MYO9A: variants seen among roughly 807,000 people sequenced by gnomAD.
MYO9A encodes the protein unconventional myosin-IXa.
MYO9A carries 103 observed loss-of-function variants against 293.3 expected under a neutral mutation model. That is an observed-to-expected ratio of 0.35 (90% CI 0.30 to 0.41). The LOEUF is 0.41. Among genes scored for constraint, MYO9A ranks in the 10% least tolerant of loss-of-function variants. MYO9A has a pLI of 1.00. For synonymous variants in MYO9A, 1,001 were observed against 1,035.7 expected, an observed-to-expected ratio of 0.97 and a Z score of 0.64; for missense variants, 2,685 against 3,033.0, an observed-to-expected ratio of 0.89 and a Z score of 2.69.
intron 32 of MYO9A, among the ~76,000 whole-genome samples, chr15:71,875,228 G>A (rs183236582): frequency 8.6e-5 from 13 of 151,904 alleles, no homozygotes; most frequent in Non-Finnish European, 7.4e-5. Context: ...TCATATATTG[G>A]ATATATATCA....
At chr15:71,982,310 G>A (rs765588436) in intron 11 of MYO9A, among the ~76,000 whole-genome samples, 13 of 151,816 alleles carry the variant, frequency 8.6e-5, no homozygotes, top group Admixed American at 1.3e-4. Context: ...GTGAGCCACC[G>A]TGCCCAGCCT....
intron 14 of MYO9A, among the ~76,000 whole-genome samples, chr15:71,952,201 GATTT>G (rs2059067885): frequency 2.0e-5 from 3 of 152,058 alleles, no homozygotes; most frequent in African/African-American, 4.8e-5. Context: ...CAATTTGTAT[GATTT>G]ATTTTTTAAA....
intron 19 of MYO9A, among the ~76,000 whole-genome samples, chr15:71,911,423 A>G (rs2144488863): frequency 6.6e-6 from 1 of 152,314 alleles, no homozygotes; most frequent in Admixed American, 6.5e-5. Flanking sequence ...CACAGTTAGA[A>G]GACTCCTAGG....
At chr15:71,916,272 TA>T in intron 19 of MYO9A, 97 bp downstream of exon 19, 1 of 1,382,946 alleles carries the variant, frequency 7.2e-7, no homozygotes, top group Non-Finnish European at 9.7e-7. Context: ...TCACATAAAT[TA>T]AAATCCCATT....
chr15:71,889,794 C>T (rs912975372), intron 26 of MYO9A: 4 of 152,106 alleles, frequency 2.6e-5, no homozygotes, highest in Non-Finnish European at 4.4e-5. Context: ...CAAAAAAGTA[C>T]CAATCCCAGG....
chr15:71,974,795 G>A (rs1027536241), intron 12 of MYO9A, among the ~76,000 whole-genome samples: 2 of 152,182 alleles, frequency 1.3e-5, no homozygotes, highest in African/African-American at 2.4e-5. Flanking sequence ...CTATCTAAAG[G>A]GGAGTGGACT....
chr15:72,006,070 A>G (rs2077007482), intron 8 of MYO9A, among the ~76,000 whole-genome samples: 1 of 152,168 alleles, frequency 6.6e-6, no homozygotes, highest in African/African-American at 2.4e-5. Context: ...ACAGAAAGAC[A>G]TGAATGAATC....
chr15:71,957,700 A>C (rs1357455383), intron 14 of MYO9A, among the ~76,000 whole-genome samples: 2 of 152,164 alleles, frequency 1.3e-5, no homozygotes, highest in Admixed American at 1.3e-4. Flanking sequence ...GGGATGAAGA[A>C]GAGAAACAGG....
At chr15:71,956,330 A>AAATAT (rs10642655) in intron 14 of MYO9A, among the ~76,000 whole-genome samples, 21 of 75,574 alleles carry the variant, frequency 2.8e-4, no homozygotes, top group Admixed American at 6.7e-4. Flanking sequence ...AAAAAAAAAA[A>AAATAT]ATATATATAT....
intron 11 of MYO9A, among the ~76,000 whole-genome samples, chr15:71,984,468 T>C (rs1430249222): frequency 6.6e-6 from 1 of 152,184 alleles, no homozygotes; most frequent in East Asian, 1.9e-4. Context: ...GCTTGTTGGG[T>C]TTGTTTTTTT....
intron 1 of MYO9A, among the ~76,000 whole-genome samples, chr15:72,049,395 T>C (rs2078486561): frequency 1.3e-5 from 2 of 152,226 alleles, no homozygotes; most frequent in African/African-American, 4.8e-5. Flanking sequence ...TATGTTTGCT[T>C]TCCTGAATCC....
chr15:71,886,191 G>A (rs577824332), intron 27 of MYO9A, among the ~76,000 whole-genome samples: 999 of 63,342 alleles, frequency 0.016, 7 homozygotes, highest in Admixed American at 0.039. Context: ...ATTTAAAGTA[G>A]GGTAAAAAAA....
At chr15:72,109,714 C>A (rs955978998) in intron 1 of MYO9A, among the ~76,000 whole-genome samples, 3 of 151,838 alleles carry the variant, frequency 2.0e-5, no homozygotes, top group Non-Finnish European at 4.4e-5. Context: ...TATGGTGAAA[C>A]CCTGTCTCTA....
chr15:71,920,660 C>T (rs1435922632), intron 18 of MYO9A, among the ~76,000 whole-genome samples: 1 of 152,036 alleles, frequency 6.6e-6, no homozygotes, highest in Non-Finnish European at 1.5e-5. Flanking sequence ...ATAAAATTAA[C>T]TTCAAGGTTG....
chr15:72,095,949 C>A (rs1306364175), intron 1 of MYO9A, among the ~76,000 whole-genome samples: 2 of 151,720 alleles, frequency 1.3e-5, no homozygotes, highest in Non-Finnish European at 2.9e-5. Context: ...GGTAGATCAC[C>A]TGAGGTCAAG....
At chr15:72,072,844 C>A (rs1220249716) in intron 1 of MYO9A, among the ~76,000 whole-genome samples, 5 of 152,012 alleles carry the variant, frequency 3.3e-5, no homozygotes, top group Non-Finnish European at 7.4e-5. Flanking sequence ...AACTCCAGCG[C>A]TACACAATAT....
At chr15:71,851,169 T>A in intron 37 of MYO9A, 84 bp downstream of exon 37, 1 of 1,053,522 alleles carries the variant, frequency 9.5e-7, no homozygotes, top group Non-Finnish European at 1.4e-6. Flanking sequence ...TACCTGTCAG[T>A]CTTCCAAATG....
intron 1 of MYO9A, among the ~76,000 whole-genome samples, chr15:72,104,913 A>C (rs1000747691): frequency 2.0e-5 from 3 of 152,218 alleles, no homozygotes; most frequent in African/African-American, 7.2e-5. Context: ...TTTTCAGGAA[A>C]ACCCAGTGAA....
chr15:71,828,121 A>G lies in MYO9A; in HGVS notation c.7041-95T>C, dbSNP rs1036421392. On this transcript the variant is annotated intron_variant, in intron 40 of 41. Transcript: ENST00000356056. ...CCTCCATGGAAGTCAGGAATCTAAG[A>G]AGCAAAGAGAGTCCATTTTTACTGT... 3 of 1,403,356 alleles carry G rather than the reference A, an allele frequency of 2.1e-6. No homozygotes were observed. The African/African-American group carries it at 4.3e-5, about 20-fold the overall frequency. 86.9% of individuals were successfully genotyped at this position (1,403,356 alleles called of 1,614,324 possible).
Sources: gnomAD v4.1 joint callset for allele counts (sites outside exome capture counted in the v4.1 genomes callset) on GRCh38, gnomAD v4.1.1 for gene constraint, MANE v1.5 for transcripts, NCBI Gene and HGNC (gene_info 2026-07-23, HGNC 2026-07-21) for gene names.